Variants in VPS13B observed in about 807,000 individuals in gnomAD.
VPS13B encodes intermembrane lipid transfer protein VPS13B.
Under a neutral mutation model 426.4 loss-of-function variants are expected in VPS13B, and 285 were observed. That is an observed-to-expected ratio of 0.67 (90% CI 0.61 to 0.74). VPS13B has a LOEUF of 0.74. Ranked by LOEUF, VPS13B falls within the 30% of genes least tolerant of loss-of-function variation. The pLI, the probability that VPS13B is intolerant of heterozygous loss-of-function variation, is 0.00. For missense variants in VPS13B, 4,537 were observed against 4,782.6 expected (o/e 0.95, Z 1.51); for synonymous variants, 1,676 against 1,676.4 (o/e 1.00, Z 0.01).
intron 19 of VPS13B, among the ~76,000 whole-genome samples, chr8:99,366,712 TG>T (rs923308352): frequency 5.9e-5 from 9 of 152,116 alleles, no homozygotes; most frequent in African/African-American, 1.7e-4. Flanking sequence ...TAATTTTCTA[TG>T]ATGGTATTAT....
intron 39 of VPS13B, among the ~76,000 whole-genome samples, chr8:99,745,044 T>G (rs1323257943): frequency 6.6e-6 from 1 of 152,190 alleles, no homozygotes; most frequent in Non-Finnish European, 1.5e-5. Flanking sequence ...TGATAGCATG[T>G]AATAGGCATG....
chr8:99,515,129 A>T (rs981344790), intron 29 of VPS13B, among the ~76,000 whole-genome samples: 3 of 152,244 alleles, frequency 2.0e-5, no homozygotes, highest in African/African-American at 7.2e-5. Flanking sequence ...TGACAAAAAG[A>T]TTACAAATCA....
At chr8:99,437,582 G>T (rs1257386659) in intron 22 of VPS13B, among the ~76,000 whole-genome samples, 1 of 152,032 alleles carries the variant, frequency 6.6e-6, no homozygotes, top group African/African-American at 2.4e-5. Context: ...GCTGGGCTTG[G>T]TGGTGCCCAC....
At chr8:99,179,256 T>C (rs1812812973) in intron 16 of VPS13B, among the ~76,000 whole-genome samples, 1 of 152,226 alleles carries the variant, frequency 6.6e-6, no homozygotes, top group Non-Finnish European at 1.5e-5. Context: ...GTCTAACTCA[T>C]ACATCTGCAG....
At chr8:99,498,249 A>G (rs1023161035) in intron 25 of VPS13B, among the ~76,000 whole-genome samples, 1 of 152,166 alleles carries the variant, frequency 6.6e-6, no homozygotes, top group Admixed American at 6.5e-5. Context: ...GATTTTTTTA[A>G]ATTACAATTT....
intron 21 of VPS13B, among the ~76,000 whole-genome samples, chr8:99,419,097 G>C (rs1285040572): frequency 6.6e-6 from 1 of 152,150 alleles, no homozygotes; most frequent in South Asian, 2.1e-4. Flanking sequence ...GGTGGGGACT[G>C]GTGGGCAGTG....
At chr8:99,083,274 A>C (rs1225164259) in intron 3 of VPS13B, among the ~76,000 whole-genome samples, 3 of 152,144 alleles carry the variant, frequency 2.0e-5, no homozygotes, top group Non-Finnish European at 2.9e-5. Flanking sequence ...TTATTGGTGT[A>C]TAGGAATGCT....
At chr8:99,658,717 A>T (rs1466735919) in intron 34 of VPS13B, among the ~76,000 whole-genome samples, 1 of 152,202 alleles carries the variant, frequency 6.6e-6, no homozygotes, top group Non-Finnish European at 1.5e-5. Context: ...ATTATAAAAT[A>T]CTCTCCAGAA....
chr8:99,695,214 T>C lies in VPS13B; in HGVS notation c.6047-4311T>C, dbSNP rs1213373061. Among the ~76,000 whole-genome samples the C allele has an allele frequency of 3.3e-3, 489 of 148,406 alleles. 9 individuals are homozygous for C. Among genetic ancestry groups the C allele is most frequent in the Admixed American group, 0.03 (381 of 12,604 alleles). On this transcript the variant is annotated intron_variant, in intron 35 of 61. Coordinates refer to ENST00000357162, the MANE Select transcript of VPS13B (RefSeq NM_152564.5). ...CATTACTGGGTATATACCCAAAGGA[T>C]TATAAATCATGCTGCTATAAAGACA...
intron 3 of VPS13B, among the ~76,000 whole-genome samples, chr8:99,057,758 A>G (rs1202575586): frequency 6.6e-6 from 1 of 152,142 alleles, no homozygotes; most frequent in African/African-American, 2.4e-5. Context: ...GAACAATTCC[A>G]CTGTGTGCTT....
At chr8:99,621,576 G>A (rs531276740) in intron 33 of VPS13B, among the ~76,000 whole-genome samples, 29 of 151,964 alleles carry the variant, frequency 1.9e-4, no homozygotes, top group Non-Finnish European at 4.1e-4. Flanking sequence ...TACTTTACCA[G>A]GGCCTTTTTC....
At chr8:99,103,257 A>T in intron 5 of VPS13B, 137 bp downstream of exon 5, 1 of 949,570 alleles carries the variant, frequency 1.1e-6, no homozygotes, top group Non-Finnish European at 1.7e-6. Context: ...AAAAAAATGC[A>T]CATATACAAA....
intron 15 of VPS13B, among the ~76,000 whole-genome samples, chr8:99,167,967 A>C (rs1403000918): frequency 6.6e-6 from 1 of 152,124 alleles, no homozygotes; most frequent in Non-Finnish European, 1.5e-5. Flanking sequence ...TTTCCAGATT[A>C]AGTATTTATA....
chr8:99,190,121 C>T (rs1813472420), intron 16 of VPS13B, among the ~76,000 whole-genome samples: 1 of 152,018 alleles, frequency 6.6e-6, no homozygotes, highest in Non-Finnish European at 1.5e-5. Flanking sequence ...TGTGTAGTGC[C>T]TACAAACTTA....
chr8:99,330,389 G>A (rs930745506), intron 19 of VPS13B, among the ~76,000 whole-genome samples: 2 of 151,662 alleles, frequency 1.3e-5, no homozygotes, highest in African/African-American at 4.8e-5. Context: ...GATGAGAAAG[G>A]GGAATTCAGG....
At chr8:99,525,966 C>T (rs959388078) in intron 30 of VPS13B, among the ~76,000 whole-genome samples, 1 of 152,054 alleles carries the variant, frequency 6.6e-6, no homozygotes, top group African/African-American at 2.4e-5. Flanking sequence ...ATGGAAGATC[C>T]ATATAGGTCG....
At chr8:99,501,656 A>C in intron 25 of VPS13B, 31 bp from the exon 26 acceptor site, 1 of 1,609,796 alleles carries the variant, frequency 6.2e-7, no homozygotes, top group Non-Finnish European at 8.5e-7. Context: ...TTTATGTTAC[A>C]AAGTAAGATT....
At chr8:99,569,073 C>T (rs1007700902) in intron 31 of VPS13B, among the ~76,000 whole-genome samples, 4 of 151,954 alleles carry the variant, frequency 2.6e-5, no homozygotes, top group Admixed American at 2.6e-4. Flanking sequence ...CCGCCTGCCT[C>T]GGCCTCCCAA....
chr8:99,161,119 C>T (rs1189888346), intron 15 of VPS13B, among the ~76,000 whole-genome samples: 4 of 152,126 alleles, frequency 2.6e-5, no homozygotes, highest in African/African-American at 7.2e-5. Context: ...GTACTTTATA[C>T]TTTACAATGC....
Sources: gnomAD v4.1 joint callset for allele counts (sites outside exome capture counted in the v4.1 genomes callset) on GRCh38, gnomAD v4.1.1 for gene constraint, MANE v1.5 for transcripts, NCBI Gene and HGNC (gene_info 2026-07-23, HGNC 2026-07-21) for gene names.